The following NATD1 variants were observed in gnomAD, a reference collection of about 807,000 sequenced individuals.
NATD1 encodes the protein N-acetyltransferase domain containing 1, also known as protein NATD1.
A neutral mutation model predicts 12.0 loss-of-function variants in NATD1; 9 were observed. The observed-to-expected ratio is 0.75, with a 90% CI of 0.45 to 1.30. The LOEUF is 1.30. Among genes scored for constraint, NATD1 ranks in the 50% most tolerant of loss-of-function variants. NATD1 has a pLI of 0.00. For synonymous variants in NATD1, 71 were observed against 65.9 expected, an observed-to-expected ratio of 1.08 and a Z score of -0.37; for missense variants, 148 against 148.5, an observed-to-expected ratio of 1.00 and a Z score of 0.02.
Position 21,243,414 on chromosome 17 carries a change from C to T in NATD1, c.241G>A (p.Val81Met), listed in dbSNP as rs769099619. 3.3e-5 allele frequency: 53 copies of T among 1,613,006 alleles called. No homozygotes were observed. Among genetic ancestry groups the T allele is most frequent in the Non-Finnish European group, 3.7e-5 (44 of 1,179,956 alleles). Residue 81 changes from valine (V) to methionine (M), a missense_variant, in exon 3 of 3, where the codon GTG becomes ATG. Transcript: ENST00000611551. ...TGGGCCTTCAGGTCCTCCTCCACCA[C>T]GAAGTCCAGGGCGGCCTGGGAGCCG... is the stretch of plus-strand genomic sequence containing the variant. Reference protein sequence around the residue: ...KHLAKAALDFVVEEDLKAHLT... With the variant: ...KHLAKAALDFMVEEDLKAHLT...
intron 2 of NATD1, 122 bp from the exon 3 acceptor site, chr17:21,243,551 C>A: frequency 1.4e-6 from 1 of 694,906 alleles, no homozygotes; most frequent in Non-Finnish European, 2.4e-6. Flanking sequence ...AGGTCAGTAA[C>A]TCCCTTGAGT....
At chr17:21,245,647 C>T (rs1351191501) in intron 1 of NATD1, among the ~76,000 whole-genome samples, 3 of 152,196 alleles carry the variant, frequency 2.0e-5, no homozygotes, top group East Asian at 1.9e-4. Flanking sequence ...GCCAAGATGA[C>T]GCTGGAGCCC....
chr17:21,248,758 G>T (rs990439266), intron 1 of NATD1, among the ~76,000 whole-genome samples: 2 of 152,178 alleles, frequency 1.3e-5, no homozygotes, highest in African/African-American at 4.8e-5. Context: ...AGCACAGGGG[G>T]GCAAGACTTG....
Position 21,244,182 on chromosome 17 carries a change from T to C in NATD1, c.149A>G (p.Lys50Arg). Residue 50 changes from lysine to arginine, a missense_variant, in exon 2 of 3, where the codon AAG (lysine) becomes AGG (arginine). Coordinates refer to ENST00000611551, the MANE Select transcript of NATD1 (RefSeq NM_152914.3). This position sits in a 1 kb window ranked among gnomAD's most constrained non-coding sequence, Gnocchi z 5.2. Reference protein sequence around the residue: ...RAVLLYEYVGKRIVDLQHTEV... With the variant: ...RAVLLYEYVGRRIVDLQHTEV... ...GGTGTGCTGCAGGTCCACGATCCGC[T>C]TGCCCACGTACTCATAGAGCAGGAC... The C allele has an allele frequency of 1.9e-6, 3 of 1,613,290 alleles. No homozygotes were observed. Among genetic ancestry groups the C allele is most frequent in the South Asian group, 2.2e-5 (2 of 91,072 alleles).
rs143177536 is a variant in NATD1, at chr17:21,248,692, C to T, written c.106+4467G>A. On this transcript the variant is annotated intron_variant, in intron 1 of 2. Transcript: ENST00000611551. ...ATAGGCATAGCCTCTGGGCCTGGCC[C>T]AGGCCCTTATCTGGGCAGCTCTAAG... Among the ~76,000 whole-genome samples, 271 of 151,962 alleles carry T rather than the reference C, an allele frequency of 1.8e-3. 1 individual carries two copies. The highest frequency in any genetic ancestry group is 6.2e-3 in the African/African-American group (259 of 41,524).
chr17:21,244,321 G>A lies in NATD1; in HGVS notation c.107-97C>T. ...AGGGACAGGCATTTGGAGTCATTCA[G>A]CTGCTACAGCTGAATCCTGAATAAC... is the stretch of plus-strand genomic sequence containing the variant. On this transcript the variant is annotated intron_variant, in intron 1 of 2. Coordinates refer to ENST00000611551, the MANE Select transcript of NATD1 (RefSeq NM_152914.3). This position sits in a 1 kb window ranked among gnomAD's most constrained non-coding sequence, Gnocchi z 5.2. 1.0e-6 allele frequency: 1 copy of A among 952,474 alleles called. No individual in the cohort carries two copies. Among genetic ancestry groups the A allele is most frequent in the Non-Finnish European group, 1.6e-6 (1 of 635,530 alleles). 59.0% of individuals were successfully genotyped at this position (952,474 alleles called of 1,614,324 possible). A position where few individuals can be genotyped will look rare whatever the true frequency, so the allele number is the denominator to read the frequency against.
chr17:21,252,897 G>C (rs964399182), intron 1 of NATD1, among the ~76,000 whole-genome samples: 3 of 151,894 alleles, frequency 2.0e-5, no homozygotes, highest in Non-Finnish European at 2.9e-5. Context: ...CTGCTCTCCC[G>C]GGAAGTCTGC....
intron 2 of NATD1, among the ~76,000 whole-genome samples, chr17:21,243,706 G>A (rs1403283398): frequency 1.3e-5 from 2 of 152,186 alleles, no homozygotes; most frequent in African/African-American, 4.8e-5. Flanking sequence ...TGGGGGTGGA[G>A]GAGGGGAAGC....
Position 21,244,152 on chromosome 17 carries a change from AC to A in NATD1, c.178del (p.Val60SerfsTer27). On this transcript the variant is annotated frameshift_variant, in exon 2 of 3. Coordinates refer to ENST00000611551, the MANE Select transcript of NATD1 (RefSeq NM_152914.3). LOFTEE classifies it high-confidence loss of function. The surrounding 1 kb of genome is among the most constrained non-coding windows in gnomAD (Gnocchi z 5.2). ...KRIVDLQHTE[V>X]PDAYRGRGIA... The stretch of plus-strand genomic sequence containing the variant: ...GCCACGCCCACGGTAGGCATCTGGG[AC>A]CTCGGTGTGCTGCAGGTCCACGATC... 1 of 1,612,878 alleles carries A rather than the reference AC, an allele frequency of 6.2e-7. No homozygotes were observed. Among genetic ancestry groups the A allele is most frequent in the South Asian group, 1.1e-5 (1 of 90,992 alleles).
chr17:21,251,402 G>C (rs926733980), intron 1 of NATD1, among the ~76,000 whole-genome samples: 1 of 151,976 alleles, frequency 6.6e-6, no homozygotes, highest in Non-Finnish European at 1.5e-5. Flanking sequence ...CCTCAGAAGA[G>C]AGGATTTGAA....
At chr17:21,245,494 T>G (rs1975317605) in intron 1 of NATD1, among the ~76,000 whole-genome samples, 1 of 152,196 alleles carries the variant, frequency 6.6e-6, no homozygotes, top group Non-Finnish European at 1.5e-5. Flanking sequence ...CCACCGGAAC[T>G]GGGGCCAACG....
At chr17:21,243,945 C>A (rs1413309569) in intron 2 of NATD1, among the ~76,000 whole-genome samples, 161 bp downstream of exon 2, 2 of 152,168 alleles carry the variant, frequency 1.3e-5, no homozygotes, top group African/African-American at 4.8e-5. Context: ...CAGGGTCTTG[C>A]AGAACAGGAG....
At chr17:21,251,900 G>A (rs1975380041) in intron 1 of NATD1, among the ~76,000 whole-genome samples, 1 of 152,200 alleles carries the variant, frequency 6.6e-6, no homozygotes, top group Admixed American at 6.5e-5. Context: ...CTAAGGACCG[G>A]TCCAGCTTGG....
intron 1 of NATD1, among the ~76,000 whole-genome samples, chr17:21,246,525 GAAAA>G (rs71160130): frequency 4.0e-4 from 43 of 108,320 alleles, no homozygotes; most frequent in African/African-American, 1.4e-3. Flanking sequence ...AAAAAAAAAA[GAAAA>G]AAAAAAAAAA....
rs1238783215 is a variant in NATD1, at chr17:21,240,027, T to C, written c.*3286A>G. The C allele has an allele frequency of 2.6e-5, 4 of 152,268 alleles. No homozygotes were observed. The highest frequency in any genetic ancestry group is 9.6e-5 in the African/African-American group (4 of 41,460). 9.4% of individuals were successfully genotyped at this position (152,268 alleles called of 1,614,324 possible). ...TGAGGCTGGGCCTCACCTCCCTGCA[T>C]TGGACCAGAAATTCTAAAGGAAGCA... On this transcript the variant is annotated 3_prime_UTR_variant, in exon 3 of 3. Coordinates refer to ENST00000611551, the MANE Select transcript of NATD1 (RefSeq NM_152914.3).
In NATD1 at chr17:21,252,087, G is replaced by C. The variant is rs551168335; in HGVS notation, c.106+1072C>G. ...GCACTTTGGGAGGCCATGGCAGGTG[G>C]ATCACCTGAGGTCAGGAGTTCAAGA... On this transcript the variant is annotated intron_variant, in intron 1 of 2. Coordinates refer to ENST00000611551, the MANE Select transcript of NATD1 (RefSeq NM_152914.3). 1.6e-4 allele frequency among the ~76,000 whole-genome samples: 24 copies of C among 152,308 alleles called. No homozygotes were observed. The East Asian group carries it at 4.4e-3, about 28-fold the overall frequency.
chr17:21,251,923 G>C (rs2144371038), intron 1 of NATD1, among the ~76,000 whole-genome samples: 1 of 152,338 alleles, frequency 6.6e-6, no homozygotes. Flanking sequence ...ATTCCCACTG[G>C]GGCGAGGTGG....
intron 1 of NATD1, among the ~76,000 whole-genome samples, chr17:21,246,217 T>C (rs1156546117): frequency 6.6e-6 from 1 of 152,036 alleles, no homozygotes; most frequent in East Asian, 1.9e-4. Context: ...GTAATATCAT[T>C]ATAAATAATA....
intron 1 of NATD1, among the ~76,000 whole-genome samples, chr17:21,248,354 C>G (rs542232504): frequency 1.1e-4 from 16 of 152,330 alleles, no homozygotes; most frequent in African/African-American, 3.8e-4. Flanking sequence ...AGGTCCTTGG[C>G]TCCTCCTCAC....
Sources: allele counts gnomAD v4.1 joint callset (sites outside exome capture counted in the v4.1 genomes callset), GRCh38; gene constraint gnomAD v4.1.1; non-coding constraint Gnocchi (gnomAD v3.1); transcripts MANE v1.5; gene names NCBI Gene and HGNC (gene_info 2026-07-23, HGNC 2026-07-21).